RFC1: variants seen among roughly 807,000 people sequenced by gnomAD.
The protein encoded by RFC1 is A1 140 kDa subunit.
In RFC1, 37 loss-of-function variants were observed where a neutral mutation model predicts 137.4. The ratio of observed to expected loss-of-function variants is 0.27; its 90% confidence interval spans 0.21 to 0.35. The LOEUF (loss-of-function observed/expected upper bound fraction) is 0.35, where lower values mean the gene tolerates loss of function less well. Ranked by LOEUF, RFC1 falls within the 10% of genes least tolerant of loss-of-function variation. RFC1 has a pLI of 1.00. For missense variants in RFC1, 1,205 were observed against 1,358.5 expected, an observed-to-expected ratio of 0.89 and a Z score of 1.78; for synonymous variants, 429 against 455.7, an observed-to-expected ratio of 0.94 and a Z score of 0.75.
At chr4:39,291,135 T>A (rs1038123999) in intron 23 of RFC1, among the ~76,000 whole-genome samples, 2 of 152,228 alleles carry the variant, frequency 1.3e-5, no homozygotes, top group Admixed American at 1.3e-4. Context: ...ATATTCATGA[T>A]GTATCACTTT....
intron 3 of RFC1, among the ~76,000 whole-genome samples, 159 bp from the exon 4 acceptor site, chr4:39,342,626 T>C (rs1210534128): frequency 2.0e-5 from 3 of 152,340 alleles, no homozygotes; most frequent in East Asian, 3.9e-4. Flanking sequence ...GCTAAGCCTA[T>C]GTATTAGTTT....
chr4:39,296,222 C>T (rs17288659), intron 21 of RFC1, among the ~76,000 whole-genome samples: 509 of 149,778 alleles, frequency 3.4e-3, no homozygotes, highest in African/African-American at 0.012. Flanking sequence ...TCTTCTATGT[C>T]CAGGGTTTTC....
intron 2 of RFC1, among the ~76,000 whole-genome samples, chr4:39,347,094 C>T (rs1049630469): frequency 1.3e-5 from 2 of 152,186 alleles, no homozygotes; most frequent in Non-Finnish European, 2.9e-5. Flanking sequence ...ATAACTAGAA[C>T]ATGCAAAGAG....
rs914428458 is a variant in RFC1 at position 39,302,294 on chromosome 4, T to C, written c.2519A>G (p.Lys840Arg). Residue 840 changes from lysine (K) to arginine (R), a missense_variant, in exon 19 of 25, where the codon AAA (lysine) becomes AGA (arginine). Around this residue, in one of 3 missense-constraint regions of RFC1, gnomAD observed 962 missense variants for 1,035.3 expected, o/e 0.93. Transcript: ENST00000349703. Reference protein sequence around the residue: ...DQAKADSHRAKKDIKMGPFDV... With the variant: ...DQAKADSHRARKDIKMGPFDV... Reference sequence around the variant, plus strand: ...TTATTTTACCATTTTGATATCCTTTTTGGCTCTGTGAGAATCAGCTTTGGC... The same window carrying C: ...TTATTTTACCATTTTGATATCCTTTCTGGCTCTGTGAGAATCAGCTTTGGC... 6.2e-6 allele frequency: 10 copies of C among 1,608,788 alleles called. No individual in the cohort carries two copies. In the African/African-American group the frequency reaches 9.4e-5, roughly 15 times the overall value.
chr4:39,326,695 G>T, intron 5 of RFC1, 55 bp from the exon 6 acceptor site: 1 of 1,437,936 alleles, frequency 7.0e-7, no homozygotes, highest in South Asian at 1.2e-5. Context: ...TTAAAAATAA[G>T]GCACTTTTTC....
intron 10 of RFC1, 136 bp from the exon 11 acceptor site, chr4:39,313,067 A>G: frequency 1.4e-6 from 1 of 697,180 alleles, no homozygotes; most frequent in Non-Finnish European, 2.3e-6. Flanking sequence ...GTTTGCTGGA[A>G]ATTTACAGCA....
rs182803987 is a variant in RFC1, at chr4:39,364,242, C to A, written c.3+1997G>T. 3.5e-5 allele frequency among the ~76,000 whole-genome samples: 5 copies of A among 144,260 alleles called. No individual in the cohort carries two copies. The East Asian group carries it at 1.0e-3, about 30-fold the overall frequency. 94.6% of individuals were successfully genotyped at this position (144,260 alleles called of 152,430 possible). A position where few individuals can be genotyped will look rare whatever the true frequency, so the allele number is the denominator to read the frequency against. ...ACAAAGATTGAGAACTACTGTCCTT[C>A]ATACCCAACGACACAGTCTGAGGGA... On this transcript the variant is annotated intron_variant, in intron 1 of 24. Coordinates refer to ENST00000349703, the MANE Select transcript of RFC1 (RefSeq NM_002913.5).
intron 2 of RFC1, 97 bp from the exon 3 acceptor site, chr4:39,345,573 C>A (rs563925075): frequency 2.2e-5 from 20 of 893,614 alleles, no homozygotes; most frequent in Non-Finnish European, 3.0e-5. Flanking sequence ...CAGGCTGGAG[C>A]GCAGTGGCAC....
At chr4:39,346,404 G>A (rs1038605379) in intron 2 of RFC1, among the ~76,000 whole-genome samples, 1 of 151,980 alleles carries the variant, frequency 6.6e-6, no homozygotes, top group East Asian at 1.9e-4. Context: ...TGAACCTGGG[G>A]GGCAGAGGTT....
intron 2 of RFC1, among the ~76,000 whole-genome samples, chr4:39,348,482 A>AGG (rs1741021504): frequency 7.0e-6 from 1 of 143,580 alleles, no homozygotes; most frequent in Non-Finnish European, 1.6e-5. Context: ...AAGAAAAGAA[A>AGG]AAGCATGTTC....
At chr4:39,334,483 G>C (rs1311149408) in intron 4 of RFC1, among the ~76,000 whole-genome samples, 1 of 152,158 alleles carries the variant, frequency 6.6e-6, no homozygotes, top group African/African-American at 2.4e-5. Flanking sequence ...GTTGCTGTGA[G>C]GATCCTCATG....
intron 10 of RFC1, 24 bp downstream of exon 10, chr4:39,316,891 G>A: frequency 6.9e-7 from 1 of 1,458,302 alleles, no homozygotes; most frequent in Admixed American, 1.7e-5. Flanking sequence ...CTCACAGAAT[G>A]GCATGCCCTC....
chr4:39,360,321 G>A lies in RFC1; in HGVS notation c.3+5918C>T, dbSNP rs552394832. 4.0e-5 allele frequency among the ~76,000 whole-genome samples: 6 copies of A among 151,746 alleles called. No homozygotes were observed. In the South Asian group the frequency reaches 1.3e-3, roughly 32 times the overall value. On this transcript the variant is annotated intron_variant, in intron 1 of 24. Transcript: ENST00000349703. ...TTTGAGAACAGCCTGGCCAATATGGGGAAACCCCATCTCTACTAAAAATAC... is the reference window on the plus strand; with the variant it reads ...TTTGAGAACAGCCTGGCCAATATGGAGAAACCCCATCTCTACTAAAAATAC...
At chr4:39,354,133 C>T (rs80039913) in intron 1 of RFC1, among the ~76,000 whole-genome samples, 165 of 152,234 alleles carry the variant, frequency 1.1e-3, no homozygotes, top group African/African-American at 3.4e-3. Flanking sequence ...CTGATGGCAA[C>T]GTAAGAGTTA....
chr4:39,361,880 CA>C (rs965247697), intron 1 of RFC1, among the ~76,000 whole-genome samples: 1 of 151,000 alleles, frequency 6.6e-6, no homozygotes, highest in Non-Finnish European at 1.5e-5. Context: ...ACTAAAAATA[CA>C]AAAAAAAATT....
intron 4 of RFC1, among the ~76,000 whole-genome samples, chr4:39,331,537 TACAA>T (rs1246765556): frequency 2.6e-5 from 4 of 152,220 alleles, no homozygotes; most frequent in African/African-American, 4.8e-5. Flanking sequence ...ACAATGGCAG[TACAA>T]ACAGAGAGAT....
chr4:39,345,504 A>C (rs755773915), intron 2 of RFC1, 28 bp from the exon 3 acceptor site: 1 of 1,551,026 alleles, frequency 6.4e-7, no homozygotes, highest in South Asian at 1.2e-5. Flanking sequence ...TAATTAGAAC[A>C]TAAAGAAGCC....
chr4:39,365,293 A>G (rs1178840741), intron 1 of RFC1, among the ~76,000 whole-genome samples: 3 of 141,282 alleles, frequency 2.1e-5, no homozygotes, highest in African/African-American at 7.6e-5. Context: ...AACGTTTCCC[A>G]GTGTGGCATA....
At chr4:39,350,024 C>T (rs913945683) in intron 2 of RFC1, among the ~76,000 whole-genome samples, 1 of 151,978 alleles carries the variant, frequency 6.6e-6, no homozygotes, top group Non-Finnish European at 1.5e-5. Context: ...ACTAAAGCAG[C>T]TACTATAATT....
Sources: allele counts gnomAD v4.1 joint callset (sites outside exome capture counted in the v4.1 genomes callset), GRCh38; gene constraint gnomAD v4.1.1; regional missense constraint gnomAD v4.1.1; transcripts MANE v1.5; gene names NCBI Gene and HGNC (gene_info 2026-07-23, HGNC 2026-07-21).